UNC13C: variants seen among roughly 807,000 people sequenced by gnomAD.
The protein encoded by UNC13C is protein unc-13 homolog C.
Under a neutral mutation model 245.4 loss-of-function variants are expected in UNC13C, and 174 were observed. The observed-to-expected ratio is 0.71, with a 90% confidence interval of 0.63 to 0.80. UNC13C has a LOEUF of 0.80. Among genes scored for constraint, UNC13C ranks in the 30% least tolerant of loss-of-function variants. The pLI is 0.00. For synonymous variants in UNC13C, 992 were observed against 895.1 expected (o/e 1.11, Z -1.93); for missense variants, 2,829 against 2,602.9 (o/e 1.09, Z -1.89).
intron 17 of UNC13C, among the ~76,000 whole-genome samples, chr15:54,380,456 C>G (rs1314389093): frequency 6.6e-6 from 1 of 152,134 alleles, no homozygotes; most frequent in African/African-American, 2.4e-5. Flanking sequence ...ATCTCTTTGA[C>G]ATACTGATTT....
chr15:53,928,585 A>G, the UNC13C span, among the ~76,000 whole-genome samples: 1 of 151,038 alleles, frequency 6.6e-6, no homozygotes, highest in African/African-American at 2.5e-5. Context: ...TAGAATATCT[A>G]ACTATGTAAA....
chr15:54,357,558 A>G (rs1411993449), intron 17 of UNC13C, among the ~76,000 whole-genome samples: 1 of 152,062 alleles, frequency 6.6e-6, no homozygotes, highest in African/African-American at 2.4e-5. Context: ...ACACTGATAA[A>G]TATTCTTAAA....
At chr15:54,159,894 G>A (rs1344700962) in intron 4 of UNC13C, among the ~76,000 whole-genome samples, 1 of 152,190 alleles carries the variant, frequency 6.6e-6, no homozygotes, top group Admixed American at 6.5e-5. Context: ...GGCAGGGGAA[G>A]AGTAATACAT....
At chr15:53,877,824 G>C in the UNC13C span, among the ~76,000 whole-genome samples, 2 of 152,080 alleles carry the variant, frequency 1.3e-5, no homozygotes, top group Non-Finnish European at 2.9e-5. Flanking sequence ...ATGCCCCTTT[G>C]TACTCAATAT....
rs1208796055 is a variant in UNC13C at position 54,143,048 on chromosome 15, A to G, written c.3006+8A>G. ...AGTTCTGTGGATGAAAAGGTTTTAA[A>G]TCATACTTATTCTTCCCTCCTGAGG... On this transcript the variant is annotated splice_region_variant and intron_variant, in intron 3 of 32. Transcript: ENST00000260323. The G allele has an allele frequency of 2.5e-6, 4 of 1,609,694 alleles. No homozygotes were observed. Among genetic ancestry groups the G allele is most frequent in the African/African-American group, 2.7e-5 (2 of 74,862 alleles).
chr15:54,067,648 C>G (rs991224053), intron 2 of UNC13C, among the ~76,000 whole-genome samples: 6 of 152,126 alleles, frequency 3.9e-5, no homozygotes, highest in Non-Finnish European at 7.4e-5. Flanking sequence ...ACCTATTGTA[C>G]AAAGCTGTAG....
chr15:54,525,528 T>G (rs1397075550), intron 24 of UNC13C, 21 bp from the exon 25 acceptor site: 1 of 1,595,316 alleles, frequency 6.3e-7, no homozygotes, highest in African/African-American at 1.3e-5. Flanking sequence ...CAAAGTAATA[T>G]TGTTTATGGT....
At chr15:54,564,170 T>C (rs951433201) in intron 29 of UNC13C, among the ~76,000 whole-genome samples, 2 of 152,060 alleles carry the variant, frequency 1.3e-5, no homozygotes, top group Non-Finnish European at 2.9e-5. Context: ...CTGACATAGC[T>C]ACCCTCTGTC....
At chr15:54,297,614 A>T (rs1010791613) in intron 11 of UNC13C, among the ~76,000 whole-genome samples, 197 bp from the exon 12 acceptor site, 6 of 152,222 alleles carry the variant, frequency 3.9e-5, no homozygotes, top group African/African-American at 1.4e-4. Flanking sequence ...TTGGCTTCCC[A>T]AAACACTGAG....
chr15:54,057,828 C>T (rs1897608150), intron 2 of UNC13C, among the ~76,000 whole-genome samples: 1 of 152,190 alleles, frequency 6.6e-6, no homozygotes, highest in African/African-American at 2.4e-5. Context: ...CACTCAACTA[C>T]ATGGAAACTG....
At chr15:54,363,616 G>A (rs2039287398) in intron 17 of UNC13C, among the ~76,000 whole-genome samples, 1 of 152,220 alleles carries the variant, frequency 6.6e-6, no homozygotes, top group Non-Finnish European at 1.5e-5. Context: ...CCGCAGCATG[G>A]CATGATCAGA....
chr15:54,021,938 A>C (rs1259592782), intron 2 of UNC13C, among the ~76,000 whole-genome samples: 3 of 152,228 alleles, frequency 2.0e-5, no homozygotes, highest in African/African-American at 4.8e-5. Context: ...CATATCTAGC[A>C]GCAATAGGCT....
chr15:54,459,130 T>C (rs1431813407), intron 19 of UNC13C, among the ~76,000 whole-genome samples: 2 of 152,184 alleles, frequency 1.3e-5, no homozygotes, highest in Non-Finnish European at 2.9e-5. Flanking sequence ...AAAAAGACTT[T>C]ATCTCTCCTT....
At chr15:54,629,475 C>T (rs988206224), downstream of UNC13C, 1 of 152,070 alleles carries the variant, frequency 6.6e-6, no homozygotes, top group Non-Finnish European at 1.5e-5. Flanking sequence ...ATTCATTCCA[C>T]AGGTGGTGTG....
intron 10 of UNC13C, among the ~76,000 whole-genome samples, chr15:54,273,538 A>C: frequency 6.6e-6 from 1 of 152,186 alleles, no homozygotes; most frequent in Non-Finnish European, 1.5e-5. Flanking sequence ...TAATTAGCTC[A>C]GTTCATCTTT....
chr15:53,948,302 A>T, the UNC13C span: 1 of 152,164 alleles, frequency 6.6e-6, no homozygotes, highest in African/African-American at 2.4e-5. Context: ...AGAAGAAAGT[A>T]CTCTGTTGAG....
the UNC13C span, among the ~76,000 whole-genome samples, chr15:53,898,557 G>C: frequency 1.3e-5 from 2 of 152,094 alleles, no homozygotes; most frequent in Non-Finnish European, 2.9e-5. Context: ...CCTAGTAAAT[G>C]AGAAAAGAAT....
At chr15:54,567,298 G>A (rs1447373315) in intron 29 of UNC13C, among the ~76,000 whole-genome samples, 3 of 152,152 alleles carry the variant, frequency 2.0e-5, no homozygotes, top group Admixed American at 1.3e-4. Context: ...CGTCAGGTTG[G>A]CCTATATCTG....
chr15:54,412,128 C>T (rs767118591), intron 18 of UNC13C, among the ~76,000 whole-genome samples: 1 of 152,000 alleles, frequency 6.6e-6, no homozygotes, highest in Non-Finnish European at 1.5e-5. Flanking sequence ...ATCGCTTGAA[C>T]CCAGGAGGTG....
Sources: gnomAD v4.1 joint callset for allele counts (sites outside exome capture counted in the v4.1 genomes callset) on GRCh38, gnomAD v4.1.1 for gene constraint, MANE v1.5 for transcripts, NCBI Gene and HGNC (gene_info 2026-07-23, HGNC 2026-07-21) for gene names.